Variants in HERC5 observed in about 807,000 individuals in gnomAD.
The protein encoded by HERC5 is E3 ISG15--protein ligase HERC5.
HERC5 carries 99 observed loss-of-function variants against 119.6 expected under a neutral mutation model. That is an observed-to-expected ratio of 0.83 (90% CI 0.70 to 0.98). HERC5 has a LOEUF of 0.98. Among genes scored for constraint, HERC5 ranks in the 50% least tolerant of loss-of-function variants. The pLI, the probability that HERC5 is intolerant of heterozygous loss-of-function variation, is 0.00. For synonymous variants in HERC5, 478 were observed against 445.9 expected, an observed-to-expected ratio of 1.07 and a Z score of -0.91; for missense variants, 1,267 against 1,241.3, an observed-to-expected ratio of 1.02 and a Z score of -0.31.
chr4:88,494,842 TG>T (rs1057420798), intron 18 of HERC5, among the ~76,000 whole-genome samples: 2 of 152,210 alleles, frequency 1.3e-5, no homozygotes, highest in African/African-American at 4.8e-5. Flanking sequence ...TAAATAAAAA[TG>T]TCTTCAATCT....
Position 88,486,207 on chromosome 4 carries a change from G to A in HERC5, c.1830G>A (p.Arg610=), listed in dbSNP as rs753455544. 1.2e-6 allele frequency: 2 copies of A among 1,607,442 alleles called. No individual in the cohort carries two copies. The highest frequency in any genetic ancestry group is 1.7e-6 in the Non-Finnish European group (2 of 1,174,932). The change falls in exon 14 of 23, where the codon AGG becomes AGA. Residue 610 remains arginine, a synonymous_variant. Transcript: ENST00000264350. Reference sequence around the variant, plus strand: ...ATTTTTTTGTAGAAGTATGCAGAAGGTACTTGTGGAAAATGACTGTGGTAG... The same window carrying A: ...ATTTTTTTGTAGAAGTATGCAGAAGATACTTGTGGAAAATGACTGTGGTAG... ...RLNFFVEVCR[R]YLWKMTVDAS... is the part of the protein sequence containing the mutation.
chr4:88,463,852 T>C lies in HERC5; in HGVS notation c.781-3T>C, dbSNP rs1343762141. ...CATCTGATATGACATTCCCTTTCCT[T>C]AGGATGGGCTGCTGTTTACTTTCGG... is the stretch of plus-strand genomic sequence containing the variant. On this transcript the variant is annotated splice_polypyrimidine_tract_variant and splice_region_variant and intron_variant, in intron 5 of 22. Coordinates refer to ENST00000264350, the MANE Select transcript of HERC5 (RefSeq NM_016323.4). 8 of 1,613,382 alleles carry C rather than the reference T, an allele frequency of 5.0e-6. No homozygotes were observed. In the South Asian group the frequency reaches 5.5e-5, roughly 11 times the overall value.
Position 88,475,961 on chromosome 4 carries a change from T to G in HERC5, c.1513T>G (p.Trp505Gly). 5 of 1,614,060 alleles carry G rather than the reference T, an allele frequency of 3.1e-6. No individual in the cohort carries two copies. The highest frequency in any genetic ancestry group is 4.2e-6 in the Non-Finnish European group (5 of 1,179,984). ...ECPMMHISNN[W>G]ESLVVPFAKV... ...TCCTATGATGCATATTTCCAACAAC[T>G]GGGAGAGCCTTGTGGTTCCATTTGC... The change falls in exon 12 of 23, where the codon TGG (tryptophan) becomes GGG (glycine). Residue 505 changes from tryptophan to glycine, a missense_variant. Physicochemically the swap from Trp to Gly is radical, Grantham distance 184. Around this residue, in one of 3 missense-constraint regions of HERC5, gnomAD observed 777 missense variants for 758.0 expected, o/e 1.03. Coordinates refer to ENST00000264350, the MANE Select transcript of HERC5 (RefSeq NM_016323.4).
intron 18 of HERC5, among the ~76,000 whole-genome samples, chr4:88,495,723 C>T (rs1356277453): frequency 1.3e-5 from 2 of 151,702 alleles, no homozygotes; most frequent in African/African-American, 4.8e-5. Flanking sequence ...GTCTATTAAT[C>T]GTTTATACTA....
intron 15 of HERC5, among the ~76,000 whole-genome samples, chr4:88,488,133 T>C (rs1397200861): frequency 1.3e-5 from 2 of 152,134 alleles, no homozygotes; most frequent in South Asian, 2.1e-4. Flanking sequence ...TCAACTCTTA[T>C]AACCTATTCT....
Position 88,470,682 on chromosome 4 carries a change from TG to T in HERC5, c.1298+10del. Reference sequence around the variant, plus strand: ...AGTTTTTTAAGGAAAAGGTAATATATGTAATAAATTAATTGTATTAAATTGT... The same window carrying T: ...AGTTTTTTAAGGAAAAGGTAATATATTAATAAATTAATTGTATTAAATTGT... On this transcript the variant is annotated intron_variant, in intron 10 of 22. Transcript: ENST00000264350. 8.2e-7 allele frequency: 1 copy of T among 1,215,024 alleles called. No individual in the cohort carries two copies. Among genetic ancestry groups the T allele is most frequent in the Non-Finnish European group, 1.2e-6 (1 of 829,202 alleles). The allele number at this position is 1,215,024 out of a possible 1,614,324, so 75.3% of individuals were successfully genotyped here. A position where few individuals can be genotyped will look rare whatever the true frequency, so the allele number is the denominator to read the frequency against.
Position 88,463,643 on chromosome 4 carries a change from T to C in HERC5, c.780+20T>C, listed in dbSNP as rs747353577. 6.3e-7 allele frequency: 1 copy of C among 1,589,410 alleles called. No individual in the cohort carries two copies. The highest frequency in any genetic ancestry group is 8.6e-7 in the Non-Finnish European group (1 of 1,161,872). On this transcript the variant is annotated intron_variant, in intron 5 of 22. Coordinates refer to ENST00000264350, the MANE Select transcript of HERC5 (RefSeq NM_016323.4). ...ACACAGGTGGGTGTACCCTTGTCTC[T>C]TTTTGGCTGTATTTTTAGAAGAACA...
intron 20 of HERC5, among the ~76,000 whole-genome samples, chr4:88,503,080 T>C (rs946699412): frequency 3.3e-5 from 5 of 152,210 alleles, no homozygotes; most frequent in African/African-American, 1.2e-4. Context: ...AATACTTCCC[T>C]ATCCTAGGGC....
chr4:88,479,740 T>TA (rs1220164996), intron 13 of HERC5, among the ~76,000 whole-genome samples: 4 of 151,970 alleles, frequency 2.6e-5, no homozygotes, highest in Non-Finnish European at 4.4e-5. Context: ...CCACCCATGT[T>TA]AAAAAAATAA....
At chr4:88,500,844 A>G in intron 19 of HERC5, 71 bp from the exon 20 acceptor site, 1 of 1,110,200 alleles carries the variant, frequency 9.0e-7, no homozygotes, top group Non-Finnish European at 1.3e-6. Context: ...TATGCTCCAA[A>G]GTGTTTTTAT....
intron 13 of HERC5, among the ~76,000 whole-genome samples, chr4:88,482,449 A>G (rs537126012): frequency 2.0e-4 from 30 of 152,184 alleles, no homozygotes; most frequent in South Asian, 6.2e-4. Flanking sequence ...CTCAGCCCAT[A>G]TGTCTGAATT....
chr4:88,491,860 G>A (rs1035287469), intron 16 of HERC5, among the ~76,000 whole-genome samples: 2 of 152,092 alleles, frequency 1.3e-5, no homozygotes, highest in East Asian at 3.9e-4. Context: ...AGGGGTGACT[G>A]AAGGAGCAAA....
chr4:88,500,359 A>G lies in HERC5; in HGVS notation c.2511+367A>G, dbSNP rs34840817. Reference sequence around the variant, plus strand: ...GTGGTCTTTCATTCTCCAATAGGCTAGCTGAGGCTTTTGAAGCAAGACTGC... The same window carrying G: ...GTGGTCTTTCATTCTCCAATAGGCTGGCTGAGGCTTTTGAAGCAAGACTGC... On this transcript the variant is annotated intron_variant, in intron 19 of 22. Coordinates refer to ENST00000264350, the MANE Select transcript of HERC5 (RefSeq NM_016323.4). 7.1e-3 allele frequency among the ~76,000 whole-genome samples: 1,084 copies of G among 152,348 alleles called. 9 individuals carry two copies. Among genetic ancestry groups the G allele is most frequent in the Non-Finnish European group, 0.012 (791 of 68,042 alleles).
intron 1 of HERC5, 40 bp from the exon 2 acceptor site, chr4:88,459,307 A>G (rs768012914): frequency 6.7e-7 from 1 of 1,501,410 alleles, no homozygotes. Context: ...GTGGGTAATA[A>G]TCAAAGTGAC....
intron 18 of HERC5, 83 bp downstream of exon 18, chr4:88,494,414 T>A: frequency 4.4e-6 from 5 of 1,133,896 alleles, no homozygotes; most frequent in Non-Finnish European, 5.0e-6. Flanking sequence ...TCATAATATT[T>A]CCATGTTCAA....
Position 88,505,866 on chromosome 4 carries a change from A to C in HERC5, c.3063A>C (p.Arg1021Ser), listed in dbSNP as rs1276768615. 2 of 1,609,158 alleles carry C rather than the reference A, an allele frequency of 1.2e-6. No homozygotes were observed. The highest frequency in any genetic ancestry group is 8.5e-7 in the Non-Finnish European group (1 of 1,178,026). ...TTCAAGAAGCCATCAACAACAACAG[A>C]GGATTTGGCTGACCAGCTTGCTTGT... ...EALQEAINNNRGFG is the reference protein window; with the variant it reads ...EALQEAINNNSGFG Residue 1021 changes from arginine to serine, a missense_variant, in exon 23 of 23, where the codon AGA (arginine) becomes AGC (serine). Physicochemically the swap from Arg to Ser is moderately radical, Grantham distance 110. Coordinates refer to ENST00000264350, the MANE Select transcript of HERC5 (RefSeq NM_016323.4).
At chr4:88,460,311 A>G in intron 3 of HERC5, 140 bp downstream of exon 3, 1 of 461,910 alleles carries the variant, frequency 2.2e-6, no homozygotes, top group East Asian at 3.5e-5. Context: ...ACGATTCTTA[A>G]AGTAAATACA....
chr4:88,463,531 G>A lies in HERC5; in HGVS notation c.689-1G>A. On this transcript the variant is annotated splice_acceptor_variant, in intron 4 of 22. Coordinates refer to ENST00000264350, the MANE Select transcript of HERC5 (RefSeq NM_016323.4). LOFTEE classifies it high-confidence loss of function. The stretch of plus-strand genomic sequence containing the variant: ...CTTCAGCTATTTTTTTCCTTACATA[G>A]GTAAAGATGATCCATCCCTTATTGA... 1 of 1,608,922 alleles carries A rather than the reference G, an allele frequency of 6.2e-7. No individual in the cohort carries two copies. The highest frequency in any genetic ancestry group is 8.5e-7 in the Non-Finnish European group (1 of 1,175,846).
intron 18 of HERC5, among the ~76,000 whole-genome samples, chr4:88,497,972 T>TC (rs1206861196): frequency 6.6e-6 from 1 of 152,048 alleles, no homozygotes; most frequent in Admixed American, 6.6e-5. Context: ...CTGCCTCAAG[T>TC]CCCTACTCAT....
Sources: allele counts gnomAD v4.1 joint callset (sites outside exome capture counted in the v4.1 genomes callset), GRCh38; gene constraint gnomAD v4.1.1; regional missense constraint gnomAD v4.1.1; transcripts MANE v1.5; gene names NCBI Gene and HGNC (gene_info 2026-07-23, HGNC 2026-07-21).